NDRG3: variants seen among roughly 807,000 people sequenced by gnomAD.
The protein encoded by NDRG3 is protein NDRG3.
A neutral mutation model predicts 57.2 loss-of-function variants in NDRG3; 23 were observed. The observed-to-expected ratio is 0.40, with a 90% CI of 0.29 to 0.57. The LOEUF is 0.57. Ranked by LOEUF, NDRG3 falls within the 20% of genes least tolerant of loss-of-function variation. The pLI is 0.42. For missense variants in NDRG3, 384 were observed against 457.3 expected (o/e 0.84, Z 1.46); for synonymous variants, 132 against 162.6 (o/e 0.81, Z 1.43).
Position 36,653,456 on chromosome 20 carries a change from T to C in NDRG3, c.*64A>G. 2 of 1,440,414 alleles carry C rather than the reference T, an allele frequency of 1.4e-6. No individual in the cohort carries two copies. Among genetic ancestry groups the C allele is most frequent in the East Asian group, 4.7e-5 (2 of 42,542 alleles). The allele number at this position is 1,440,414 out of a possible 1,614,324, so 89.2% of individuals were successfully genotyped here. Reference sequence around the variant, plus strand: ...GTAGAGGCCAGTTTACTGGATGAAATGTTATATTATGGAGTGGTCATTTGA... The same window carrying C: ...GTAGAGGCCAGTTTACTGGATGAAACGTTATATTATGGAGTGGTCATTTGA... On this transcript the variant is annotated 3_prime_UTR_variant, in exon 16 of 16. Transcript: ENST00000349004. This position sits in a 1 kb window ranked among gnomAD's most constrained non-coding sequence, Gnocchi z 4.2.
rs57208101 is a variant in NDRG3, at chr20:36,739,134, CAAAAAAA to C, written c.-49+6904_-49+6910del. Among the ~76,000 whole-genome samples, 303 of 87,222 alleles carry C rather than the reference CAAAAAAA, an allele frequency of 3.5e-3. 1 individual carries two copies. Among genetic ancestry groups the C allele is most frequent in the African/African-American group, 0.017 (292 of 17,670 alleles). The allele number at this position is 87,222 out of a possible 152,430, so 57.2% of individuals were successfully genotyped here. A position where few individuals can be genotyped will look rare whatever the true frequency, so the allele number is the denominator to read the frequency against. On this transcript the variant is annotated intron_variant, in intron 1 of 15. Coordinates refer to ENST00000349004, the MANE Select transcript of NDRG3 (RefSeq NM_032013.4). ...TGGGTGACAAAACGAGACCCCATCT[CAAAAAAA>C]AAAAAAAAAAAAAAAAAAAAAAAAA...
At position 36,684,584 on chromosome 20, in the gene NDRG3, T is replaced by A. The variant is rs954009513; in HGVS notation, c.321-109A>T. On this transcript the variant is annotated intron_variant, in intron 5 of 15. Coordinates refer to ENST00000349004, the MANE Select transcript of NDRG3 (RefSeq NM_032013.4). ...TAGATAAAAGGCTGAGCGCAGTAGC[T>A]CATGCCTATAATCCCAGCACTTTGG... The A allele has an allele frequency of 1.3e-5, 12 of 932,896 alleles. No homozygotes were observed. In the African/African-American group the frequency reaches 1.8e-4, roughly 14 times the overall value. The allele number at this position is 932,896 out of a possible 1,614,324, so 57.8% of individuals were successfully genotyped here.
intron 2 of NDRG3, among the ~76,000 whole-genome samples, chr20:36,717,812 C>T (rs1442709247): frequency 6.6e-6 from 1 of 152,194 alleles, no homozygotes; most frequent in Non-Finnish European, 1.5e-5. Context: ...AATTTTGCCT[C>T]CCAGGGACAT....
chr20:36,699,652 C>T (rs998317118), intron 3 of NDRG3, among the ~76,000 whole-genome samples: 14 of 151,740 alleles, frequency 9.2e-5, no homozygotes, highest in African/African-American at 2.9e-4. Context: ...TGCCAAGGCC[C>T]GGTAACTGAT....
At chr20:36,707,567 C>G (rs1166243086) in intron 2 of NDRG3, among the ~76,000 whole-genome samples, 2 of 152,158 alleles carry the variant, frequency 1.3e-5, no homozygotes, top group African/African-American at 4.8e-5. Context: ...TCTTAATACA[C>G]TGGCCTATCT....
intron 8 of NDRG3, among the ~76,000 whole-genome samples, chr20:36,671,968 T>C (rs1383979359): frequency 6.6e-6 from 1 of 152,216 alleles, no homozygotes; most frequent in Non-Finnish European, 1.5e-5. Flanking sequence ...TGTCAATTCC[T>C]TCTTTGAAAG....
At chr20:36,694,942 G>C (rs1306107647) in intron 3 of NDRG3, among the ~76,000 whole-genome samples, 1 of 152,096 alleles carries the variant, frequency 6.6e-6, no homozygotes, top group Non-Finnish European at 1.5e-5. Flanking sequence ...ACTGTTTGTA[G>C]CATCAAGGTT....
At chr20:36,731,202 T>A (rs548784099) in intron 1 of NDRG3, among the ~76,000 whole-genome samples, 1 of 151,224 alleles carries the variant, frequency 6.6e-6, no homozygotes, top group South Asian at 2.1e-4. Flanking sequence ...GATAAGGAGG[T>A]CTGTAGGCCT....
At chr20:36,682,294 T>C (rs1295605113) in intron 7 of NDRG3, among the ~76,000 whole-genome samples, 1 of 152,216 alleles carries the variant, frequency 6.6e-6, no homozygotes, top group Non-Finnish European at 1.5e-5. Flanking sequence ...ATAAGCAGCA[T>C]CTAGGACTTG....
chr20:36,737,349 G>C (rs897710746), intron 1 of NDRG3, among the ~76,000 whole-genome samples: 2 of 152,088 alleles, frequency 1.3e-5, no homozygotes, highest in African/African-American at 4.8e-5. Context: ...GCTCTTAGAT[G>C]GCTCCAGGTT....
chr20:36,661,129 C>T (rs1979169864), intron 12 of NDRG3, among the ~76,000 whole-genome samples: 1 of 152,176 alleles, frequency 6.6e-6, no homozygotes. Context: ...CCTTACCTCA[C>T]TTTTCACCTC....
chr20:36,713,040 T>C (rs1984019365), intron 2 of NDRG3, among the ~76,000 whole-genome samples: 1 of 152,120 alleles, frequency 6.6e-6, no homozygotes, highest in Admixed American at 6.6e-5. Flanking sequence ...GTTCACAGTA[T>C]ATGGTTCCAC....
intron 1 of NDRG3, among the ~76,000 whole-genome samples, chr20:36,732,970 G>A (rs1014618588): frequency 2.2e-4 from 33 of 150,914 alleles, no homozygotes; most frequent in Admixed American, 4.0e-4. Flanking sequence ...AACATGGCAA[G>A]ACCCTGTGTC....
intron 3 of NDRG3, among the ~76,000 whole-genome samples, chr20:36,694,044 G>GT (rs1299666213): frequency 1.3e-5 from 2 of 151,956 alleles, no homozygotes; most frequent in African/African-American, 4.8e-5. Flanking sequence ...TAAGAAAATC[G>GT]TAAGGCAGAG....
At chr20:36,680,499 A>T (rs1434531471) in intron 8 of NDRG3, among the ~76,000 whole-genome samples, 1 of 151,854 alleles carries the variant, frequency 6.6e-6, no homozygotes, top group Non-Finnish European at 1.5e-5. Flanking sequence ...AAAAAAAAAA[A>T]ATACAGTTTC....
chr20:36,745,293 A>G (rs907927078), intron 1 of NDRG3, among the ~76,000 whole-genome samples: 6 of 152,164 alleles, frequency 3.9e-5, no homozygotes, highest in Non-Finnish European at 7.4e-5. Flanking sequence ...TAACACCTCA[A>G]TTGTACTCCG....
intron 8 of NDRG3, among the ~76,000 whole-genome samples, chr20:36,672,361 C>T (rs1408173872): frequency 3.9e-5 from 6 of 152,172 alleles, no homozygotes; most frequent in African/African-American, 1.4e-4. Context: ...TATGCTGAAC[C>T]TGTACTGCTG....
At chr20:36,691,370 A>G (rs1982251910) in intron 3 of NDRG3, among the ~76,000 whole-genome samples, 1 of 152,246 alleles carries the variant, frequency 6.6e-6, no homozygotes, top group Non-Finnish European at 1.5e-5. Context: ...GCCTTCAAAA[A>G]TGAACATAAG....
At chr20:36,738,502 CAA>C (rs950454850) in intron 1 of NDRG3, among the ~76,000 whole-genome samples, 3 of 129,736 alleles carry the variant, frequency 2.3e-5, no homozygotes. Flanking sequence ...AACTCCTTTG[CAA>C]AAAAAAAAAG....
Sources: allele counts gnomAD v4.1 joint callset (sites outside exome capture counted in the v4.1 genomes callset), GRCh38; gene constraint gnomAD v4.1.1; non-coding constraint Gnocchi (gnomAD v3.1); transcripts MANE v1.5; gene names NCBI Gene and HGNC (gene_info 2026-07-23, HGNC 2026-07-21).